LRRTM4: variants seen among roughly 807,000 people sequenced by gnomAD.
LRRTM4 encodes leucine rich repeat transmembrane neuronal 4.
A neutral mutation model predicts 47.6 loss-of-function variants in LRRTM4; 25 were observed. The ratio of observed to expected loss-of-function variants is 0.53; its 90% CI spans 0.38 to 0.73. The LOEUF is 0.73. LRRTM4 is among the 30% of genes least tolerant of loss of function. The pLI is 0.00. For synonymous variants in LRRTM4, 311 were observed against 269.5 expected (o/e 1.15, Z -1.51); for missense variants, 638 against 713.4 (o/e 0.89, Z 1.20).
chr2:77,458,698 G>A (rs544256540), intron 3 of LRRTM4, among the ~76,000 whole-genome samples: 1 of 151,702 alleles, frequency 6.6e-6, no homozygotes, highest in South Asian at 2.1e-4. Flanking sequence ...TTCGGTGGAT[G>A]GCTGGCTGTC....
Position 77,519,373 on chromosome 2 carries a change from A to T in LRRTM4, c.496T>A (p.Ser166Thr), listed in dbSNP as rs755046389. 4 of 1,613,332 alleles carry T rather than the reference A, an allele frequency of 2.5e-6. No homozygotes were observed. The highest frequency in any genetic ancestry group is 3.4e-6 in the Non-Finnish European group (4 of 1,179,614). ...LRKLIILHLR[S>T]NSLKTVPIRV... ...ATGGGCACAGTCTTTAGTGAGTTAG[A>T]TCTCAAGTGCAAAATGATGAGTTTC... Residue 166 changes from serine to threonine, a missense_variant, in exon 3 of 4, where the codon TCT becomes ACT. Transcript: ENST00000409884. The surrounding 1 kb of genome is among the most constrained non-coding windows in gnomAD (Gnocchi z 4.6).
intron 3 of LRRTM4, among the ~76,000 whole-genome samples, chr2:77,085,612 T>C (rs1048081648): frequency 3.9e-5 from 6 of 152,116 alleles, no homozygotes; most frequent in Admixed American, 2.6e-4. Flanking sequence ...TTTCAGAAAA[T>C]ACTATATGAA....
intron 3 of LRRTM4, among the ~76,000 whole-genome samples, chr2:77,225,454 G>A (rs1202887189): frequency 2.0e-5 from 3 of 150,694 alleles, no homozygotes; most frequent in African/African-American, 4.9e-5. Context: ...TGTTGGTAAA[G>A]TGCTTGCGGT....
At chr2:77,020,488 G>A (rs766041826) in intron 3 of LRRTM4, among the ~76,000 whole-genome samples, 1 of 152,046 alleles carries the variant, frequency 6.6e-6, no homozygotes, top group Non-Finnish European at 1.5e-5. Flanking sequence ...TCTAAGAATC[G>A]TACATGTGTT....
chr2:77,329,719 G>A (rs1043469755), intron 3 of LRRTM4, among the ~76,000 whole-genome samples: 1 of 152,082 alleles, frequency 6.6e-6, no homozygotes, highest in Non-Finnish European at 1.5e-5. Context: ...GGATGCACGG[G>A]GACTTCTGGG....
At chr2:77,077,716 CAT>C (rs1217256788) in intron 3 of LRRTM4, among the ~76,000 whole-genome samples, 3 of 152,042 alleles carry the variant, frequency 2.0e-5, no homozygotes, top group African/African-American at 4.8e-5. Flanking sequence ...AGCTCTAAAA[CAT>C]AGAGTATGTT....
At chr2:77,102,980 G>T (rs1313409741) in intron 3 of LRRTM4, among the ~76,000 whole-genome samples, 2 of 151,956 alleles carry the variant, frequency 1.3e-5, no homozygotes, top group Admixed American at 6.6e-5. Flanking sequence ...ATACTCTTTG[G>T]GACTTTAATA....
chr2:76,873,504 GTGTATA>G (rs1267522699), intron 3 of LRRTM4, among the ~76,000 whole-genome samples: 75 of 73,202 alleles, frequency 1.0e-3, no homozygotes, highest in African/African-American at 3.2e-3. Flanking sequence ...ATATATATGT[GTGTATA>G]TATATATATA....
At chr2:76,924,503 G>T (rs1342508429) in intron 3 of LRRTM4, among the ~76,000 whole-genome samples, 1 of 151,958 alleles carries the variant, frequency 6.6e-6, no homozygotes, top group Non-Finnish European at 1.5e-5. Context: ...TTATTTAAAA[G>T]ATATTGCTAA....
At chr2:77,326,000 CTT>C (rs1271703844) in intron 3 of LRRTM4, among the ~76,000 whole-genome samples, 2 of 152,174 alleles carry the variant, frequency 1.3e-5, no homozygotes, top group African/African-American at 4.8e-5. Flanking sequence ...ATTTTCTGAC[CTT>C]TCCTCACTCT....
intron 3 of LRRTM4, among the ~76,000 whole-genome samples, chr2:76,794,865 G>C (rs932187631): frequency 6.8e-6 from 1 of 148,124 alleles, no homozygotes; most frequent in African/African-American, 2.5e-5. Flanking sequence ...CCTCTAGAGG[G>C]CCAACATTTT....
intron 3 of LRRTM4, among the ~76,000 whole-genome samples, chr2:77,425,547 C>G (rs1237421019): frequency 6.6e-6 from 1 of 152,150 alleles, no homozygotes; most frequent in African/African-American, 2.4e-5. Flanking sequence ...TGGAATTCCT[C>G]AAGGCTCCCT....
chr2:77,110,047 G>A (rs1357059388), intron 3 of LRRTM4, among the ~76,000 whole-genome samples: 1 of 152,034 alleles, frequency 6.6e-6, no homozygotes, highest in African/African-American at 2.4e-5. Flanking sequence ...AGAGAAAAAT[G>A]CAAAAATGTA....
intron 3 of LRRTM4, among the ~76,000 whole-genome samples, chr2:77,033,811 A>T (rs1276180467): frequency 1.3e-4 from 20 of 151,818 alleles, no homozygotes; most frequent in Admixed American, 1.3e-3. Flanking sequence ...TTATTAAATG[A>T]ACTAATAAAA....
intron 3 of LRRTM4, among the ~76,000 whole-genome samples, chr2:77,485,982 G>A (rs942280163): frequency 2.6e-5 from 4 of 151,658 alleles, no homozygotes; most frequent in Admixed American, 6.6e-5. Context: ...CAAGCTATCC[G>A]TCTGCCTCAG....
intron 3 of LRRTM4, among the ~76,000 whole-genome samples, chr2:76,902,514 C>T (rs887646548): frequency 5.3e-5 from 8 of 152,068 alleles, no homozygotes; most frequent in Non-Finnish European, 7.4e-5. Context: ...ACTTTGATGA[C>T]CTTGATGATG....
At chr2:77,495,140 TTTTATG>T (rs1400064160) in intron 3 of LRRTM4, among the ~76,000 whole-genome samples, 1 of 152,112 alleles carries the variant, frequency 6.6e-6, no homozygotes, top group African/African-American at 2.4e-5. Context: ...GGGCATATGC[TTTTATG>T]TCCCTTGGTT....
At chr2:77,351,076 C>T (rs777134474) in intron 3 of LRRTM4, among the ~76,000 whole-genome samples, 2 of 152,046 alleles carry the variant, frequency 1.3e-5, no homozygotes, top group African/African-American at 4.8e-5. Flanking sequence ...CCTCCCACCC[C>T]GTATGCTCAT....
At chr2:76,787,608 A>AAAATATTTTCTATTTTGTGAGGATTAT (rs1674745879) in intron 3 of LRRTM4, among the ~76,000 whole-genome samples, 2 of 152,102 alleles carry the variant, frequency 1.3e-5, no homozygotes, top group African/African-American at 4.8e-5. Flanking sequence ...TTAAATTGAA[A>AAAATATTTTCTATTTTGTGAGGATTAT]AAATATTTTC....
Sources: gnomAD v4.1 joint callset for allele counts (sites outside exome capture counted in the v4.1 genomes callset) on GRCh38, gnomAD v4.1.1 for gene constraint, Gnocchi (gnomAD v3.1) non-coding constraint, MANE v1.5 for transcripts, NCBI Gene and HGNC (gene_info 2026-07-23, HGNC 2026-07-21) for gene names.